MSRA: variants seen among roughly 807,000 people sequenced by gnomAD.
MSRA encodes mitochondrial peptide methionine sulfoxide reductase.
Under a neutral mutation model 31.3 loss-of-function variants are expected in MSRA, and 54 were observed. The ratio of observed to expected loss-of-function variants is 1.73; its 90% CI spans 1.39 to 2.17. The LOEUF (loss-of-function observed/expected upper bound fraction) is 2.17. Ranked by LOEUF, MSRA falls within the 30% of genes most tolerant of loss-of-function variation. The probability of loss-of-function intolerance (pLI) is 0.00; values close to 1 mark genes in which losing one functional copy is unlikely to be tolerated. For synonymous variants in MSRA, 169 were observed against 116.5 expected, an observed-to-expected ratio of 1.45 and a Z score of -2.90; for missense variants, 507 against 300.9, an observed-to-expected ratio of 1.69 and a Z score of -5.07.
chr8:10,191,658 G>C (rs751623363), intron 1 of MSRA, among the ~76,000 whole-genome samples: 51 of 152,204 alleles, frequency 3.4e-4, no homozygotes, highest in Non-Finnish European at 5.9e-4. Flanking sequence ...CATAGAGATA[G>C]TCTCCAACTT....
At chr8:10,328,130 A>G (rs1459757906) in intron 5 of MSRA, among the ~76,000 whole-genome samples, 1 of 145,714 alleles carries the variant, frequency 6.9e-6, no homozygotes, top group Non-Finnish European at 1.5e-5. Flanking sequence ...AGATCCCCAT[A>G]ACAAACTGTC....
intron 1 of MSRA, among the ~76,000 whole-genome samples, chr8:10,157,071 A>G (rs1490531426): frequency 3.3e-5 from 5 of 151,852 alleles, no homozygotes; most frequent in East Asian, 3.9e-4. Flanking sequence ...TGGTGAATAC[A>G]TCGTAGATTT....
chr8:10,300,549 C>A (rs941534227), intron 3 of MSRA, among the ~76,000 whole-genome samples: 4 of 152,112 alleles, frequency 2.6e-5, no homozygotes, highest in East Asian at 1.9e-4. Context: ...CACCACCACA[C>A]CCAGCTAATT....
intron 1 of MSRA, among the ~76,000 whole-genome samples, chr8:10,170,939 G>T (rs985613447): frequency 1.3e-5 from 2 of 152,196 alleles, no homozygotes; most frequent in African/African-American, 4.8e-5. Flanking sequence ...TATTGTGCTA[G>T]CTAGGCTCTC....
At chr8:10,290,013 G>T (rs766134083) in intron 3 of MSRA, among the ~76,000 whole-genome samples, 6 of 152,204 alleles carry the variant, frequency 3.9e-5, no homozygotes, top group Admixed American at 1.3e-4. Context: ...TTCTAAGATT[G>T]ATAGGACAGA....
intron 5 of MSRA, among the ~76,000 whole-genome samples, chr8:10,363,141 G>A (rs1222791627): frequency 2.6e-5 from 4 of 152,166 alleles, no homozygotes; most frequent in African/African-American, 4.8e-5. Flanking sequence ...GCCTTTCTCC[G>A]TAGGTTCCTT....
intron 5 of MSRA, among the ~76,000 whole-genome samples, chr8:10,421,061 T>A (rs975123648): frequency 1.3e-5 from 2 of 151,894 alleles, no homozygotes; most frequent in Non-Finnish European, 2.9e-5. Flanking sequence ...GTGTTTTGAG[T>A]CCCGGGGATG....
In MSRA at chr8:10,245,608, A is replaced by C. The variant is rs144049703; in HGVS notation, c.331+385A>C. 8.2e-3 allele frequency among the ~76,000 whole-genome samples: 1,246 copies of C among 152,326 alleles called. 17 individuals are homozygous for C. The highest frequency in any genetic ancestry group is 0.014 in the Middle Eastern group (4 of 294). Reference sequence around the variant, plus strand: ...GGGTTGCCTGGGGGCTAGTCAGCCTAGGCTGCTTTACTCTTTGGCCTGGCA... The same window carrying C: ...GGGTTGCCTGGGGGCTAGTCAGCCTCGGCTGCTTTACTCTTTGGCCTGGCA... On this transcript the variant is annotated intron_variant, in intron 3 of 5. Coordinates refer to ENST00000317173, the MANE Select transcript of MSRA (RefSeq NM_012331.5).
chr8:10,280,914 G>C (rs1449722434), intron 3 of MSRA, among the ~76,000 whole-genome samples: 1 of 152,218 alleles, frequency 6.6e-6, no homozygotes, highest in African/African-American at 2.4e-5. Context: ...AAACCATAGA[G>C]TGTATGATTC....
chr8:10,293,533 C>T (rs769492397), intron 3 of MSRA, among the ~76,000 whole-genome samples: 1 of 152,198 alleles, frequency 6.6e-6, no homozygotes, highest in South Asian at 2.1e-4. Context: ...GTCCAGCCTC[C>T]CCCACTTGAT....
At chr8:10,357,239 T>A (rs1804561227) in intron 5 of MSRA, among the ~76,000 whole-genome samples, 1 of 152,202 alleles carries the variant, frequency 6.6e-6, no homozygotes, top group Non-Finnish European at 1.5e-5. Flanking sequence ...CTCTATGAAT[T>A]TGTTTTCATT....
At chr8:10,099,698 A>G (rs925621318) in intron 1 of MSRA, among the ~76,000 whole-genome samples, 6 of 152,160 alleles carry the variant, frequency 3.9e-5, no homozygotes, top group Admixed American at 6.6e-5. Flanking sequence ...GTTGCTGGCT[A>G]TGGGTTTAGA....
chr8:10,238,311 C>G (rs1489411158), intron 2 of MSRA, among the ~76,000 whole-genome samples: 1 of 152,230 alleles, frequency 6.6e-6, no homozygotes, highest in Non-Finnish European at 1.5e-5. Context: ...CCCAGCCCAC[C>G]TGATCTCTCT....
chr8:10,384,914 A>C (rs892190245), intron 5 of MSRA, among the ~76,000 whole-genome samples: 1 of 152,070 alleles, frequency 6.6e-6, no homozygotes, highest in African/African-American at 2.4e-5. Flanking sequence ...AGCCAGAAGG[A>C]TCACTTGAGC....
At chr8:10,081,448 G>C (rs892125348) in intron 1 of MSRA, among the ~76,000 whole-genome samples, 1 of 151,446 alleles carries the variant, frequency 6.6e-6, no homozygotes. Context: ...CTCAAGGTTC[G>C]GGCATCTCCA....
intron 1 of MSRA, among the ~76,000 whole-genome samples, chr8:10,066,047 G>A (rs1797440075): frequency 6.6e-6 from 1 of 151,514 alleles, no homozygotes; most frequent in South Asian, 2.1e-4. Context: ...TTTTGAGACA[G>A]AGTCTTGCTC....
At chr8:10,225,402 A>C (rs750478616) in intron 2 of MSRA, among the ~76,000 whole-genome samples, 1 of 152,280 alleles carries the variant, frequency 6.6e-6, no homozygotes, top group South Asian at 2.1e-4. Context: ...AAGCTTTTTG[A>C]TGATAGGGCC....
intron 5 of MSRA, among the ~76,000 whole-genome samples, chr8:10,325,035 C>T (rs1226289676): frequency 2.0e-5 from 3 of 152,156 alleles, no homozygotes; most frequent in Admixed American, 6.5e-5. Flanking sequence ...GGGGCCCTTG[C>T]AGAACTGGGT....
At chr8:10,186,024 C>T (rs1054365094) in intron 1 of MSRA, among the ~76,000 whole-genome samples, 6 of 152,164 alleles carry the variant, frequency 3.9e-5, no homozygotes, top group African/African-American at 1.2e-4. Context: ...CTGACCATGG[C>T]ACTTTCCACA....
Sources: allele counts gnomAD v4.1 joint callset (sites outside exome capture counted in the v4.1 genomes callset), GRCh38; gene constraint gnomAD v4.1.1; transcripts MANE v1.5; gene names NCBI Gene and HGNC (gene_info 2026-07-23, HGNC 2026-07-21).